Variants in DPF2 observed in about 807,000 individuals in gnomAD.
DPF2 encodes double PHD fingers 2, also known as zinc finger protein ubi-d4.
A neutral mutation model predicts 59.6 loss-of-function variants in DPF2; 10 were observed. The ratio of observed to expected loss-of-function variants is 0.17; its 90% CI spans 0.10 to 0.28. The LOEUF (loss-of-function observed/expected upper bound fraction) is 0.28, where lower values mean the gene tolerates loss of function less well. Among genes scored for constraint, DPF2 ranks in the 10% least tolerant of loss-of-function variants. The pLI, the probability that DPF2 is intolerant of heterozygous loss-of-function variation, is 1.00. For missense variants in DPF2, 315 were observed against 509.4 expected (o/e 0.62, Z 3.67); for synonymous variants, 189 against 190.6 (o/e 0.99, Z 0.07).
At chr11:65,344,711 C>A in intron 6 of DPF2, 3 of 1,402,816 alleles carry the variant, frequency 2.1e-6, no homozygotes, top group Non-Finnish European at 2.9e-6. Context: ...TCCTGGGATG[C>A]TAGCTTTAAA....
chr11:65,336,785 CAAAAAA>C (rs751170058), intron 1 of DPF2, among the ~76,000 whole-genome samples: 9 of 65,880 alleles, frequency 1.4e-4, no homozygotes, highest in Non-Finnish European at 2.4e-4. Flanking sequence ...GACTCCATCT[CAAAAAA>C]AAAAAAAAAA....
intron 1 of DPF2, among the ~76,000 whole-genome samples, chr11:65,336,402 G>A (rs985483246): frequency 6.6e-6 from 1 of 152,008 alleles, no homozygotes; most frequent in Admixed American, 6.6e-5. Flanking sequence ...TGAGGCACAA[G>A]AATCGCCTGA....
intron 1 of DPF2, among the ~76,000 whole-genome samples, chr11:65,336,003 G>A (rs1950090762): frequency 6.6e-6 from 1 of 151,562 alleles, no homozygotes; most frequent in Non-Finnish European, 1.5e-5. Flanking sequence ...TAGTAGAGAT[G>A]GGGTTTCACC....
At chr11:65,337,405 A>C (rs1854193561) in intron 1 of DPF2, among the ~76,000 whole-genome samples, 1 of 139,548 alleles carries the variant, frequency 7.2e-6, no homozygotes. Flanking sequence ...GTGAGCCGAG[A>C]TTGCACCACT....
chr11:65,341,626 C>A, intron 4 of DPF2, 64 bp downstream of exon 4: 3 of 1,595,642 alleles, frequency 1.9e-6, no homozygotes, highest in East Asian at 4.5e-5. Flanking sequence ...TCACTGGGGG[C>A]CACCTAGTTT....
At chr11:65,343,182 C>T (rs1221185073) in intron 4 of DPF2, among the ~76,000 whole-genome samples, 2 of 151,644 alleles carry the variant, frequency 1.3e-5, no homozygotes, top group East Asian at 1.9e-4. Flanking sequence ...GCCTGTAATT[C>T]CACCTACTTG....
At chr11:65,350,374 C>CTTTTTTT (rs529951680) in intron 10 of DPF2, among the ~76,000 whole-genome samples, 1 of 128,776 alleles carries the variant, frequency 7.8e-6, no homozygotes, top group African/African-American at 3.0e-5. Flanking sequence ...TTCTTTCTTT[C>CTTTTTTT]TTTTTTTTTT....
chr11:65,333,986 G>C, intron 1 of DPF2, 68 bp downstream of exon 1: 1 of 1,588,278 alleles, frequency 6.3e-7, no homozygotes. Flanking sequence ...AGGGGGCGGT[G>C]GGGGAAGGGA....
At chr11:65,342,263 A>G (rs190035623) in intron 4 of DPF2, among the ~76,000 whole-genome samples, 5 of 152,328 alleles carry the variant, frequency 3.3e-5, no homozygotes. Flanking sequence ...TAGGCAACAT[A>G]GCAGGACCTT....
At chr11:65,345,852 A>T in intron 7 of DPF2, 49 bp downstream of exon 7, 1 of 1,613,582 alleles carries the variant, frequency 6.2e-7, no homozygotes, top group East Asian at 2.2e-5. Flanking sequence ...TGGCCTGGTT[A>T]TGAAAACCAC....
chr11:65,343,882 A>C, intron 5 of DPF2, 45 bp downstream of exon 5: 1 of 1,585,696 alleles, frequency 6.3e-7, no homozygotes, highest in Non-Finnish European at 8.6e-7. Context: ...AGGGTGGCCT[A>C]GGGAATTCCT....
intron 10 of DPF2, among the ~76,000 whole-genome samples, chr11:65,351,343 G>A (rs908471225): frequency 6.6e-6 from 1 of 152,172 alleles, no homozygotes; most frequent in African/African-American, 2.4e-5. Context: ...AACTACACAA[G>A]TCTTAAAACT....
At position 65,344,117 on chromosome 11, in the gene DPF2, C is replaced by T. The variant is rs1293709624; in HGVS notation, c.637+48C>T. ...GGTAGACCTTGCCTTGGACCCAGCTCCTGCTCTGGATATGAGAGGAGGGAG... is the reference window on the plus strand; with the variant it reads ...GGTAGACCTTGCCTTGGACCCAGCTTCTGCTCTGGATATGAGAGGAGGGAG... On this transcript the variant is annotated intron_variant, in intron 6 of 10. Transcript: ENST00000528416. The T allele has an allele frequency of 3.2e-6, 5 of 1,582,816 alleles. No individual in the cohort carries two copies. The South Asian group carries it at 4.4e-5, about 14-fold the overall frequency.
Position 65,346,239 on chromosome 11 carries a change from C to A in DPF2, c.905-8C>A. ...GACTGTCTGTCTCACTCACTTCCCC[C>A]ACTACAGGGCATCCATCTTGCCTCC... On this transcript the variant is annotated splice_region_variant and splice_polypyrimidine_tract_variant and intron_variant, in intron 8 of 10. Transcript: ENST00000528416. 1 of 1,613,774 alleles carries A rather than the reference C, an allele frequency of 6.2e-7. No homozygotes were observed. Among genetic ancestry groups the A allele is most frequent in the Non-Finnish European group, 8.5e-7 (1 of 1,179,784 alleles).
intron 1 of DPF2, among the ~76,000 whole-genome samples, chr11:65,337,464 A>AAG (rs1177327735): frequency 4.5e-5 from 3 of 66,928 alleles, no homozygotes; most frequent in African/African-American, 1.7e-4. Context: ...AAAAAAAAAA[A>AAG]AAAAAAAAAA....
chr11:65,343,287 G>A (rs1011815251), intron 4 of DPF2, among the ~76,000 whole-genome samples: 5 of 105,026 alleles, frequency 4.8e-5, no homozygotes, highest in African/African-American at 1.5e-4. Context: ...CAACAAGAGC[G>A]AAACTCTGTC....
At chr11:65,339,476 A>G (rs947086718) in intron 1 of DPF2, among the ~76,000 whole-genome samples, 5 of 152,098 alleles carry the variant, frequency 3.3e-5, no homozygotes, top group African/African-American at 1.2e-4. Context: ...TTCCTATATA[A>G]TTTTATTTTG....
rs540186196 is a variant in DPF2, at chr11:65,353,266, T to G, written c.*1507T>G. ...TAAAATCAACTTTAACATCTATTTT[T>G]ATGTTTCAGTTGATTTGGAGAATTC... On this transcript the variant is annotated 3_prime_UTR_variant, in exon 11 of 11. Coordinates refer to ENST00000528416, the MANE Select transcript of DPF2 (RefSeq NM_006268.5). The G allele has an allele frequency of 1.3e-5, 2 of 152,368 alleles. No homozygotes were observed. Among genetic ancestry groups the G allele is most frequent in the South Asian group, 4.1e-4 (2 of 4,832 alleles). The allele number at this position is 152,368 out of a possible 1,614,324, so 9.4% of individuals were successfully genotyped here. A position where few individuals can be genotyped will look rare whatever the true frequency, so the allele number is the denominator to read the frequency against.
intron 6 of DPF2, chr11:65,344,762 G>C: frequency 1.1e-6 from 1 of 921,760 alleles, no homozygotes; most frequent in East Asian, 2.6e-5. Flanking sequence ...TGGAATTTCT[G>C]CTGTGCTCTA....
Sources: allele counts gnomAD v4.1 joint callset (sites outside exome capture counted in the v4.1 genomes callset), GRCh38; gene constraint gnomAD v4.1.1; transcripts MANE v1.5; gene names NCBI Gene and HGNC (gene_info 2026-07-23, HGNC 2026-07-21).